The following GPC5 variants were observed in gnomAD, a reference collection of about 807,000 sequenced individuals.
GPC5 encodes the protein glypican-5.
Under a neutral mutation model 53.9 loss-of-function variants are expected in GPC5, and 47 were observed. That is an observed-to-expected ratio of 0.87 (90% confidence interval 0.69 to 1.11). GPC5 has a LOEUF of 1.11. Among genes scored for constraint, GPC5 ranks in the 50% most tolerant of loss-of-function variants. The probability of loss-of-function intolerance (pLI) is 0.00; values close to 1 mark genes in which losing one functional copy is unlikely to be tolerated. For missense variants in GPC5, 748 were observed against 713.1 expected (o/e 1.05, Z -0.56); for synonymous variants, 286 against 263.3 (o/e 1.09, Z -0.84).
chr13:92,182,453 A>G (rs1323779294), intron 7 of GPC5, among the ~76,000 whole-genome samples: 1 of 152,232 alleles, frequency 6.6e-6, no homozygotes, highest in Admixed American at 6.5e-5. Flanking sequence ...AAAATTCAAA[A>G]TGTTAATATT....
intron 6 of GPC5, among the ~76,000 whole-genome samples, chr13:92,056,676 A>T (rs539531793): frequency 1.3e-5 from 2 of 152,356 alleles, no homozygotes; most frequent in South Asian, 4.1e-4. Context: ...ATCCAATGCC[A>T]TACAAATTAA....
chr13:91,851,657 C>A (rs1174612453), intron 5 of GPC5, among the ~76,000 whole-genome samples: 1 of 116,644 alleles, frequency 8.6e-6, no homozygotes, highest in Non-Finnish European at 1.7e-5. Flanking sequence ...CCCCTCCCCC[C>A]ACCCCACAAC....
chr13:92,532,489 C>T (rs1325174706), intron 7 of GPC5, among the ~76,000 whole-genome samples: 1 of 152,026 alleles, frequency 6.6e-6, no homozygotes, highest in Non-Finnish European at 1.5e-5. Flanking sequence ...AGTATAATAT[C>T]CAAATGTAGG....
At chr13:92,787,227 T>C (rs1166120113) in intron 7 of GPC5, among the ~76,000 whole-genome samples, 1 of 151,696 alleles carries the variant, frequency 6.6e-6, no homozygotes. Flanking sequence ...AAAAATAAAT[T>C]CCCTGCCAAA....
At chr13:92,061,238 A>G (rs2041120648) in intron 6 of GPC5, among the ~76,000 whole-genome samples, 2 of 152,060 alleles carry the variant, frequency 1.3e-5, no homozygotes, top group African/African-American at 4.8e-5. Flanking sequence ...TTGCATAATA[A>G]TAATCATGGC....
At chr13:91,612,768 TGTTA>T (rs2033592665) in intron 2 of GPC5, among the ~76,000 whole-genome samples, 1 of 152,216 alleles carries the variant, frequency 6.6e-6, no homozygotes, top group Non-Finnish European at 1.5e-5. Context: ...TTATTTTCTT[TGTTA>T]GTATTTTAAA....
rs943131995 is a variant in GPC5, at chr13:92,579,340, T to C, written c.1562-286942T>C. Among the ~76,000 whole-genome samples, 31 of 133,256 alleles carry C rather than the reference T, an allele frequency of 2.3e-4. 1 individual carries two copies. The highest frequency in any genetic ancestry group is 8.3e-4 in the African/African-American group (30 of 36,230). The allele number at this position is 133,256 out of a possible 152,430, so 87.4% of individuals were successfully genotyped here. A position where few individuals can be genotyped will look rare whatever the true frequency, so the allele number is the denominator to read the frequency against. ...CTCCCTCCCTCTCTCTCTCTCTCTC[T>C]GCTTCATTACCCTTCCCAACTGATG... On this transcript the variant is annotated intron_variant, in intron 7 of 7. Coordinates refer to ENST00000377067, the MANE Select transcript of GPC5 (RefSeq NM_004466.6).
chr13:92,490,593 G>A (rs959657304), intron 7 of GPC5, among the ~76,000 whole-genome samples: 4 of 151,980 alleles, frequency 2.6e-5, no homozygotes, highest in Non-Finnish European at 4.4e-5. Context: ...CATATAAATG[G>A]TGTTTGTCCC....
At chr13:91,879,025 G>T (rs1343774456) in intron 5 of GPC5, among the ~76,000 whole-genome samples, 1 of 151,822 alleles carries the variant, frequency 6.6e-6, no homozygotes, top group East Asian at 1.9e-4. Flanking sequence ...TTGCAACTAT[G>T]CACATACCCC....
At chr13:92,319,124 G>A (rs1186542931) in intron 7 of GPC5, among the ~76,000 whole-genome samples, 1 of 152,136 alleles carries the variant, frequency 6.6e-6, no homozygotes, top group Non-Finnish European at 1.5e-5. Flanking sequence ...AGCCAGGGCA[G>A]CAGTATAAAC....
At chr13:91,403,399 T>C (rs1447549055) in intron 1 of GPC5, among the ~76,000 whole-genome samples, 1 of 152,144 alleles carries the variant, frequency 6.6e-6, no homozygotes, top group South Asian at 2.1e-4. Context: ...ATAAGGAAGG[T>C]TTAATGAAGT....
intron 7 of GPC5, among the ~76,000 whole-genome samples, chr13:92,773,395 A>G (rs920225112): frequency 1.3e-5 from 2 of 152,062 alleles, no homozygotes; most frequent in African/African-American, 2.4e-5. Context: ...CTGGCTGAAC[A>G]TGACTGAAAT....
intron 7 of GPC5, among the ~76,000 whole-genome samples, chr13:92,659,472 G>A (rs1207645166): frequency 7.0e-6 from 1 of 142,160 alleles, no homozygotes; most frequent in Non-Finnish European, 1.5e-5. Flanking sequence ...TTATTTATTC[G>A]TGACTCCCTA....
At chr13:92,009,334 G>T (rs1434943327) in intron 6 of GPC5, among the ~76,000 whole-genome samples, 1 of 150,150 alleles carries the variant, frequency 6.7e-6, no homozygotes, top group African/African-American at 2.4e-5. Context: ...GTTACTGGGA[G>T]ATCAGCTTGA....
chr13:92,588,797 G>C (rs1051892065), intron 7 of GPC5, among the ~76,000 whole-genome samples: 1 of 152,132 alleles, frequency 6.6e-6, no homozygotes, highest in Non-Finnish European at 1.5e-5. Flanking sequence ...GATAGAGGAG[G>C]TATTAGTTCC....
intron 7 of GPC5, among the ~76,000 whole-genome samples, chr13:92,320,998 C>A (rs1286156157): frequency 1.3e-5 from 2 of 151,894 alleles, no homozygotes; most frequent in African/African-American, 4.8e-5. Context: ...TTGATATTAG[C>A]AAATTACTGC....
At chr13:91,885,612 CTCTT>C (rs1025788037) in intron 5 of GPC5, among the ~76,000 whole-genome samples, 7 of 152,194 alleles carry the variant, frequency 4.6e-5, no homozygotes, top group Non-Finnish European at 1.0e-4. Context: ...ATTAGTTCAT[CTCTT>C]TCTTTGCCCT....
intron 7 of GPC5, among the ~76,000 whole-genome samples, chr13:92,295,205 G>A (rs548241492): frequency 7.9e-5 from 12 of 152,216 alleles, no homozygotes; most frequent in Admixed American, 1.3e-4. Context: ...CAGAGGTTTT[G>A]ATAGGTTGCA....
intron 6 of GPC5, among the ~76,000 whole-genome samples, chr13:91,981,321 G>A (rs938255679): frequency 6.8e-6 from 1 of 147,744 alleles, no homozygotes; most frequent in Non-Finnish European, 1.5e-5. Flanking sequence ...ACGGAGTCTC[G>A]CTCTGTCGCC....
Sources: gnomAD v4.1 joint callset for allele counts (sites outside exome capture counted in the v4.1 genomes callset) on GRCh38, gnomAD v4.1.1 for gene constraint, MANE v1.5 for transcripts, NCBI Gene and HGNC (gene_info 2026-07-23, HGNC 2026-07-21) for gene names.